The following ANXA8 variants were observed in gnomAD, a reference collection of about 807,000 sequenced individuals.
ANXA8 encodes the protein annexin A8.
ANXA8 carries 9 observed loss-of-function variants against 26.8 expected under a neutral mutation model. The ratio of observed to expected loss-of-function variants is 0.34; its 90% CI spans 0.20 to 0.59. ANXA8 has a LOEUF of 0.59. Ranked by LOEUF, ANXA8 falls within the 20% of genes least tolerant of loss-of-function variation. The pLI is 0.84. For synonymous variants in ANXA8, 39 were observed against 94.8 expected (o/e 0.41, Z 3.42); for missense variants, 83 against 238.5 (o/e 0.35, Z 4.29).
the ANXA8 span, among the ~76,000 whole-genome samples, chr10:47,605,890 A>G: frequency 7.0e-6 from 1 of 143,230 alleles, no homozygotes; most frequent in South Asian, 2.2e-4. Flanking sequence ...TATAAAATAG[A>G]CACTTAAAAA....
the ANXA8 span, among the ~76,000 whole-genome samples, chr10:47,659,156 C>T: frequency 2.0e-5 from 3 of 151,858 alleles, no homozygotes; most frequent in Admixed American, 1.3e-4. Context: ...CAGGTGTGAA[C>T]CACTGCACCC....
the ANXA8 span, among the ~76,000 whole-genome samples, chr10:47,778,656 T>C: frequency 6.6e-6 from 1 of 152,034 alleles, no homozygotes; most frequent in African/African-American, 2.4e-5. Context: ...AGGAATATTA[T>C]TATATGGCAA....
the ANXA8 span, among the ~76,000 whole-genome samples, chr10:47,951,613 C>A: frequency 6.7e-6 from 1 of 150,374 alleles, no homozygotes; most frequent in Admixed American, 6.6e-5. Context: ...AGTTCAAGAC[C>A]AGCCTGGGCA....
the ANXA8 span, among the ~76,000 whole-genome samples, chr10:47,656,257 G>A: frequency 6.6e-6 from 1 of 151,468 alleles, no homozygotes; most frequent in Non-Finnish European, 1.5e-5. Context: ...AATTAGTCAG[G>A]TATGGTGGCA....
At chr10:47,710,641 GC>G in the ANXA8 span, 3,905 of 1,263,276 alleles carry the variant, frequency 3.1e-3, 34 homozygotes, top group Non-Finnish European at 4.0e-3. Context: ...AGTGGAACAG[GC>G]CCAAGATCAA....
At chr10:47,669,612 G>A in the ANXA8 span, among the ~76,000 whole-genome samples, 1 of 151,652 alleles carries the variant, frequency 6.6e-6, no homozygotes, top group Non-Finnish European at 1.5e-5. Context: ...CTACTTGGGA[G>A]GCTGAGGTGG....
the ANXA8 span, among the ~76,000 whole-genome samples, chr10:47,600,271 T>C: frequency 6.7e-6 from 1 of 150,196 alleles, no homozygotes; most frequent in Non-Finnish European, 1.5e-5. Context: ...CCTATTGCGG[T>C]TCAGAGAAAA....
At chr10:47,667,171 C>T in the ANXA8 span, among the ~76,000 whole-genome samples, 1 of 152,008 alleles carries the variant, frequency 6.6e-6, no homozygotes. Flanking sequence ...GTTTCTTCTC[C>T]TCTTATGTCT....
chr10:47,733,197 C>CTTTCTT, the ANXA8 span, among the ~76,000 whole-genome samples: 1 of 109,726 alleles, frequency 9.1e-6, no homozygotes, highest in African/African-American at 2.9e-5. Context: ...TTCTTTCTTT[C>CTTTCTT]TTTCTTTCTT....
the ANXA8 span, among the ~76,000 whole-genome samples, chr10:47,622,479 T>C: frequency 1.1e-5 from 1 of 93,692 alleles, no homozygotes; most frequent in Non-Finnish European, 2.2e-5. Flanking sequence ...CCTGACAGAC[T>C]GACCTGACCT....
the ANXA8 span, among the ~76,000 whole-genome samples, chr10:47,596,216 A>AT: frequency 2.6e-4 from 30 of 114,284 alleles, no homozygotes; most frequent in Non-Finnish European, 4.4e-4. Flanking sequence ...AAATCAAAGA[A>AT]TTTTTTAAAC....
the ANXA8 span, among the ~76,000 whole-genome samples, chr10:47,630,438 A>C: frequency 1.5e-4 from 22 of 150,162 alleles, no homozygotes; most frequent in South Asian, 4.6e-3. Context: ...AACTCCAAGA[A>C]GACAAAAGGA....
the ANXA8 span, among the ~76,000 whole-genome samples, chr10:47,680,408 G>A: frequency 1.3e-5 from 2 of 151,878 alleles, no homozygotes; most frequent in Non-Finnish European, 2.9e-5. Flanking sequence ...TCTGCGGTGG[G>A]TGGATCACCT....
At chr10:47,516,589 T>C in the ANXA8 span, among the ~76,000 whole-genome samples, 2 of 138,444 alleles carry the variant, frequency 1.4e-5, 1 homozygote, top group Non-Finnish European at 3.1e-5. Flanking sequence ...AAGACAGCAG[T>C]TACGTGAGAT....
chr10:47,733,171 T>TTCTTTCTTTCTTTCTCTCTCTCTCTC, the ANXA8 span, among the ~76,000 whole-genome samples: 23 of 100,898 alleles, frequency 2.3e-4, no homozygotes, highest in African/African-American at 7.0e-4. Context: ...CTTTCTTTCT[T>TTCTTTCTTTCTTTCTCTCTCTCTCTC]TCTTTCTTTC....
chr10:47,952,833 C>T, the ANXA8 span, among the ~76,000 whole-genome samples: 10 of 149,196 alleles, frequency 6.7e-5, no homozygotes, highest in South Asian at 2.1e-4. Context: ...TCTGGACATA[C>T]ATAATATGTT....
At chr10:47,692,518 T>C in the ANXA8 span, 1 of 52,462 alleles carries the variant, frequency 1.9e-5, no homozygotes, top group Admixed American at 2.3e-4. Flanking sequence ...GCCCATGGTA[T>C]TTTTAACATG....
At chr10:47,697,256 C>A in the ANXA8 span, among the ~76,000 whole-genome samples, 1 of 152,242 alleles carries the variant, frequency 6.6e-6, no homozygotes, top group Non-Finnish European at 1.5e-5. Context: ...ACCTTTATCT[C>A]CTTTTCTGTG....
the ANXA8 span, among the ~76,000 whole-genome samples, chr10:47,968,699 G>A: frequency 0.32 from 48,319 of 149,822 alleles, 10,562 homozygotes; most frequent in Non-Finnish European, 0.47. Flanking sequence ...TTCACAGTAT[G>A]GTATTTCTGA....
Sources: allele counts gnomAD v4.1 joint callset (sites outside exome capture counted in the v4.1 genomes callset), GRCh38; gene constraint gnomAD v4.1.1; transcripts MANE v1.5; gene names NCBI Gene and HGNC (gene_info 2026-07-23, HGNC 2026-07-21).